The following PAK3 variants were observed in gnomAD, a reference collection of about 807,000 sequenced individuals.
PAK3 encodes the protein p21 (RAC1) activated kinase 3.
Under a neutral mutation model 41.0 loss-of-function variants are expected in PAK3, and 4 were observed. The observed-to-expected ratio is 0.10, with a 90% CI of 0.05 to 0.22. The LOEUF is 0.22. Among genes scored for constraint, PAK3 ranks in the 10% least tolerant of loss-of-function variants. PAK3 has a pLI of 1.00. For synonymous variants in PAK3, 146 were observed against 139.6 expected (o/e 1.05, Z -0.32); for missense variants, 205 against 409.9 (o/e 0.50, Z 4.32).
intron 1 of PAK3, among the ~76,000 whole-genome samples, chrX:110,998,885 G>A (rs1227858117): frequency 8.9e-6 from 1 of 112,136 alleles, no homozygotes; most frequent in Non-Finnish European, 1.9e-5. Context: ...GAATTGAGTA[G>A]CACCTTGGCT....
chrX:111,117,437 A>G (rs376568192), intron 4 of PAK3, among the ~76,000 whole-genome samples: 1 of 111,560 alleles, frequency 9.0e-6, no homozygotes, highest in African/African-American at 3.3e-5. Flanking sequence ...AATGGAGATG[A>G]TACTTTCTTC....
intron 5 of PAK3, among the ~76,000 whole-genome samples, chrX:111,130,068 A>G (rs893662365): frequency 8.9e-6 from 1 of 112,041 alleles, no homozygotes; most frequent in East Asian, 2.8e-4. Context: ...GTTGTTGCAT[A>G]TGTCAATTGA....
At chrX:111,004,449 C>T (rs746129265) in intron 1 of PAK3, among the ~76,000 whole-genome samples, 2 of 112,149 alleles carry the variant, frequency 1.8e-5, no homozygotes, top group Non-Finnish European at 3.8e-5. Context: ...GAAATGTACA[C>T]ATGTGTCTAT....
intron 10 of PAK3, among the ~76,000 whole-genome samples, chrX:111,170,240 G>T (rs1465723581): frequency 1.8e-5 from 2 of 111,086 alleles, no homozygotes; most frequent in Non-Finnish European, 3.8e-5. Context: ...TCTGACTCAG[G>T]CTACTGAGTA....
chrX:111,123,543 T>A (rs1158860629), intron 5 of PAK3, among the ~76,000 whole-genome samples: 2 of 112,746 alleles, frequency 1.8e-5, no homozygotes, highest in Non-Finnish European at 3.8e-5. Context: ...GCAACAGTAC[T>A]GTCTTGAATA....
chrX:111,144,339 T>C (rs994942852), intron 6 of PAK3, among the ~76,000 whole-genome samples: 3 of 112,235 alleles, frequency 2.7e-5, no homozygotes, highest in Admixed American at 9.5e-5. Flanking sequence ...AGTACTTTAT[T>C]GTCATCCTGA....
intron 1 of PAK3, among the ~76,000 whole-genome samples, chrX:110,997,063 C>A (rs942426592): frequency 1.8e-5 from 2 of 111,436 alleles, no homozygotes; most frequent in Non-Finnish European, 3.8e-5. Context: ...ACTTTTAAGG[C>A]AAAGAAGAGT....
chrX:111,121,914 G>C (rs1196605379), intron 4 of PAK3, among the ~76,000 whole-genome samples: 1 of 110,450 alleles, frequency 9.1e-6, no homozygotes, highest in Non-Finnish European at 1.9e-5. Context: ...ATCCTCCCAG[G>C]GGAATGAAAA....
intron 4 of PAK3, among the ~76,000 whole-genome samples, chrX:111,121,951 G>T (rs780971476): frequency 1.8e-5 from 2 of 110,985 alleles, no homozygotes; most frequent in South Asian, 7.7e-4. Flanking sequence ...GTAGACACAA[G>T]ATACTAAAGA....
chrX:111,019,714 AAAGAAAAAG>A (rs1373784914), intron 1 of PAK3, among the ~76,000 whole-genome samples: 2 of 18,202 alleles, frequency 1.1e-4, no homozygotes, highest in Non-Finnish European at 4.3e-4. Context: ...GAAAGAAAGA[AAAGAAAAAG>A]GGGGGGGGGC....
At chrX:111,183,662 T>C (rs184097439) in intron 11 of PAK3, among the ~76,000 whole-genome samples, 1 of 111,950 alleles carries the variant, frequency 8.9e-6, no homozygotes, top group East Asian at 2.8e-4. Context: ...CTACTCATGA[T>C]TATGGCTTGA....
intron 1 of PAK3, among the ~76,000 whole-genome samples, chrX:111,042,513 C>T (rs1294173036): frequency 1.8e-5 from 2 of 111,742 alleles, no homozygotes; most frequent in Non-Finnish European, 3.8e-5. Flanking sequence ...TACCACGGCA[C>T]AGGCTATGTT....
chrX:111,090,641 T>C (rs930823688), intron 1 of PAK3, among the ~76,000 whole-genome samples: 8 of 111,590 alleles, frequency 7.2e-5, no homozygotes, highest in Admixed American at 5.7e-4. Context: ...CCAGCAATGA[T>C]TCAAAGCTTC....
chrX:111,178,974 T>TAGAGAGAGAGAG (rs201910654), intron 11 of PAK3, among the ~76,000 whole-genome samples: 3,409 of 92,176 alleles, frequency 0.037, 142 homozygotes, highest in African/African-American at 0.16. Flanking sequence ...TATATATATA[T>TAGAGAGAGAGAG]ATATATAGAG....
chrX:110,977,048 G>A (rs1242454331), intron 1 of PAK3, among the ~76,000 whole-genome samples: 1 of 110,453 alleles, frequency 9.1e-6, no homozygotes, highest in East Asian at 2.8e-4. Flanking sequence ...CATGACACAT[G>A]TATACCTACG....
At chrX:111,024,051 A>G (rs913211714) in intron 1 of PAK3, among the ~76,000 whole-genome samples, 1 of 111,989 alleles carries the variant, frequency 8.9e-6, no homozygotes, top group Admixed American at 9.5e-5. Flanking sequence ...TCTTTAATCC[A>G]TCTTGAGTTA....
intron 1 of PAK3, among the ~76,000 whole-genome samples, chrX:111,075,996 C>T (rs952905672): frequency 8.9e-6 from 1 of 112,565 alleles, no homozygotes; most frequent in Non-Finnish European, 1.9e-5. Flanking sequence ...TCCTTCTAGC[C>T]AATTTCTCCA....
chrX:110,954,594 T>C (rs73541382), intron 1 of PAK3, among the ~76,000 whole-genome samples: 180 of 111,778 alleles, frequency 1.6e-3, no homozygotes, highest in African/African-American at 5.4e-3. Flanking sequence ...CAGATCTTCT[T>C]GGGTGTGACC....
chrX:110,972,454 A>G (rs2091230612), intron 1 of PAK3, among the ~76,000 whole-genome samples: 1 of 112,010 alleles, frequency 8.9e-6, no homozygotes, highest in South Asian at 3.7e-4. Flanking sequence ...ACTCCAACAG[A>G]TCTGCAACTG....
Sources: allele counts gnomAD v4.1 joint callset (sites outside exome capture counted in the v4.1 genomes callset), GRCh38; gene constraint gnomAD v4.1.1; transcripts MANE v1.5; gene names NCBI Gene and HGNC (gene_info 2026-07-23, HGNC 2026-07-21).